Variants in DLG2 observed in about 807,000 individuals in gnomAD.
DLG2 encodes discs large MAGUK scaffold protein 2.
Under a neutral mutation model 132.5 loss-of-function variants are expected in DLG2, and 45 were observed. That is an observed-to-expected ratio of 0.34 (90% CI 0.27 to 0.44). The LOEUF (loss-of-function observed/expected upper bound fraction) is 0.44. DLG2 is among the 20% of genes least tolerant of loss of function. The pLI, the probability that DLG2 is intolerant of heterozygous loss-of-function variation, is 1.00. For synonymous variants in DLG2, 424 were observed against 419.6 expected, an observed-to-expected ratio of 1.01 and a Z score of -0.13; for missense variants, 1,045 against 1,196.9, an observed-to-expected ratio of 0.87 and a Z score of 1.87.
At chr11:84,624,598 A>T (rs2099619045) in intron 6 of DLG2, among the ~76,000 whole-genome samples, 2 of 152,006 alleles carry the variant, frequency 1.3e-5, no homozygotes, top group South Asian at 2.1e-4. Flanking sequence ...ACCTTAATAA[A>T]ATCCTCCAAG....
intron 19 of DLG2, among the ~76,000 whole-genome samples, chr11:83,582,538 C>G (rs549364805): frequency 2.6e-5 from 4 of 152,338 alleles, no homozygotes; most frequent in African/African-American, 9.6e-5. Flanking sequence ...GGAATGCCCA[C>G]AGCTCATCAG....
chr11:83,631,423 T>G (rs1346107060), intron 19 of DLG2: 1 of 152,068 alleles, frequency 6.6e-6, no homozygotes, highest in African/African-American at 2.4e-5. Flanking sequence ...GGGACTTTCT[T>G]ATGAAATGTC....
At chr11:83,933,716 C>G (rs1363083800) in intron 14 of DLG2, among the ~76,000 whole-genome samples, 1 of 149,852 alleles carries the variant, frequency 6.7e-6, no homozygotes, top group Non-Finnish European at 1.5e-5. Context: ...CCATTTGGAC[C>G]ACTTGCACTA....
intron 7 of DLG2, among the ~76,000 whole-genome samples, chr11:84,310,106 A>G (rs1262782447): frequency 6.6e-6 from 1 of 152,186 alleles, no homozygotes. Flanking sequence ...CTGCAGGGGA[A>G]TGCCAGTACT....
In DLG2 at chr11:83,789,384, AG is replaced by A. The variant is rs568803696; in HGVS notation, c.1723-2593del. Among the ~76,000 whole-genome samples, 12 of 33,384 alleles carry A rather than the reference AG, an allele frequency of 3.6e-4. No homozygotes were observed. The South Asian group carries it at 9.5e-3, about 26-fold the overall frequency. 21.9% of individuals were successfully genotyped at this position (33,384 alleles called of 152,430 possible). The stretch of plus-strand genomic sequence containing the variant: ...GCAGCAAAGGACAGGGCGGGGCGGG[AG>A]GGGGGGCAGCATTGAGGAGAATTTG... On this transcript the variant is annotated intron_variant, in intron 17 of 27. Coordinates refer to ENST00000376104, the MANE Select transcript of DLG2 (RefSeq NM_001142699.3).
intron 10 of DLG2, among the ~76,000 whole-genome samples, chr11:84,085,263 C>T (rs1184637680): frequency 6.6e-6 from 1 of 152,148 alleles, no homozygotes; most frequent in Non-Finnish European, 1.5e-5. Flanking sequence ...TTTCTACCTC[C>T]CTCAAACCAT....
At chr11:84,114,220 A>G (rs763839802) in intron 9 of DLG2, among the ~76,000 whole-genome samples, 1 of 152,192 alleles carries the variant, frequency 6.6e-6, no homozygotes, top group Admixed American at 6.5e-5. Flanking sequence ...CACATAAACT[A>G]TAGGAGCTCT....
At chr11:85,091,423 C>G (rs2068756571) in intron 6 of DLG2, among the ~76,000 whole-genome samples, 1 of 152,122 alleles carries the variant, frequency 6.6e-6, no homozygotes. Context: ...ATGATGAAGA[C>G]TGGGGTGGCT....
At chr11:83,640,158 A>T (rs748360965) in intron 18 of DLG2, among the ~76,000 whole-genome samples, 1 of 152,168 alleles carries the variant, frequency 6.6e-6, no homozygotes, top group Admixed American at 6.6e-5. Flanking sequence ...AGCAACAGAG[A>T]CTGCTTTCCT....
chr11:84,165,406 T>C (rs574900815), intron 8 of DLG2, among the ~76,000 whole-genome samples: 68 of 152,346 alleles, frequency 4.5e-4, no homozygotes, highest in African/African-American at 1.5e-3. Flanking sequence ...CTTAGATTTT[T>C]AGAAGTATTA....
At chr11:83,797,893 T>C (rs1167925590) in intron 17 of DLG2, among the ~76,000 whole-genome samples, 1 of 152,166 alleles carries the variant, frequency 6.6e-6, no homozygotes, top group East Asian at 1.9e-4. Context: ...TTTTAGTATA[T>C]TTGACCATAA....
intron 7 of DLG2, among the ~76,000 whole-genome samples, chr11:84,350,252 A>T (rs1232510359): frequency 6.6e-6 from 1 of 151,674 alleles, no homozygotes; most frequent in Non-Finnish European, 1.5e-5. Context: ...TTTTAACCTG[A>T]AGAGGTTAAC....
chr11:83,521,741 T>C (rs2095484675), intron 21 of DLG2, among the ~76,000 whole-genome samples: 1 of 152,150 alleles, frequency 6.6e-6, no homozygotes, highest in South Asian at 2.1e-4. Context: ...ATGACATTTT[T>C]AACAGTCTCC....
At chr11:84,858,549 T>C (rs2083106964) in intron 6 of DLG2, among the ~76,000 whole-genome samples, 1 of 152,090 alleles carries the variant, frequency 6.6e-6, no homozygotes, top group Admixed American at 6.6e-5. Context: ...GTCTCATATC[T>C]TATTTCTACT....
chr11:84,133,279 G>A (rs1210430476), intron 9 of DLG2, among the ~76,000 whole-genome samples: 1 of 151,862 alleles, frequency 6.6e-6, no homozygotes, highest in Non-Finnish European at 1.5e-5. Flanking sequence ...TGAATCCCAG[G>A]GCAACCAGAG....
intron 4 of DLG2, among the ~76,000 whole-genome samples, chr11:85,225,787 C>T (rs1209641319): frequency 6.6e-6 from 1 of 152,122 alleles, no homozygotes; most frequent in Non-Finnish European, 1.5e-5. Context: ...TCAGCATCAC[C>T]TCTAAATTTC....
chr11:85,015,254 T>C (rs1367556353), intron 6 of DLG2, among the ~76,000 whole-genome samples: 3 of 152,200 alleles, frequency 2.0e-5, no homozygotes, highest in Admixed American at 2.0e-4. Context: ...TCATTTGCTA[T>C]GTTTTAGGTT....
At chr11:83,647,517 C>T (rs1187788157) in intron 18 of DLG2, 1 of 152,062 alleles carries the variant, frequency 6.6e-6, no homozygotes, top group East Asian at 1.9e-4. Flanking sequence ...TTCCTCACAC[C>T]CATGTCTTCA....
chr11:83,633,797 G>C (rs1242192920), intron 18 of DLG2, among the ~76,000 whole-genome samples: 1 of 148,084 alleles, frequency 6.8e-6, no homozygotes, highest in Non-Finnish European at 1.5e-5. Context: ...CGGAAAATCT[G>C]AATAATATCG....
Sources: gnomAD v4.1 joint callset for allele counts (sites outside exome capture counted in the v4.1 genomes callset) on GRCh38, gnomAD v4.1.1 for gene constraint, MANE v1.5 for transcripts, NCBI Gene and HGNC (gene_info 2026-07-23, HGNC 2026-07-21) for gene names.